Variants in SMARCC1 observed in about 807,000 individuals in gnomAD.
SMARCC1 encodes the protein SWI/SNF complex subunit SMARCC1.
In SMARCC1, 43 loss-of-function variants were observed where a neutral mutation model predicts 147.4. The observed-to-expected ratio is 0.29, with a 90% CI of 0.23 to 0.38. The LOEUF is 0.38. SMARCC1 is among the 10% of genes least tolerant of loss of function. The pLI, the probability that SMARCC1 is intolerant of heterozygous loss-of-function variation, is 1.00. For synonymous variants in SMARCC1, 495 were observed against 484.4 expected (o/e 1.02, Z -0.29); for missense variants, 1,119 against 1,381.1 (o/e 0.81, Z 3.01).
At chr3:47,647,459 A>G (rs2033132464) in intron 21 of SMARCC1, among the ~76,000 whole-genome samples, 1 of 152,234 alleles carries the variant, frequency 6.6e-6, no homozygotes, top group Non-Finnish European at 1.5e-5. Context: ...TAGGTGTATT[A>G]AATGCATTTT....
chr3:47,645,469 TAA>T (rs2033107009), intron 21 of SMARCC1, among the ~76,000 whole-genome samples: 1 of 152,210 alleles, frequency 6.6e-6, no homozygotes, highest in Admixed American at 6.5e-5. Context: ...GGCTTGGGCC[TAA>T]GAGTTTGAGG....
At chr3:47,692,919 G>GA (rs1449264649) in intron 12 of SMARCC1, among the ~76,000 whole-genome samples, 1 of 152,120 alleles carries the variant, frequency 6.6e-6, no homozygotes, top group African/African-American at 2.4e-5. Flanking sequence ...TCAGGAGGCT[G>GA]AGACAGGAGA....
At chr3:47,741,841 C>A (rs1018798951) in intron 3 of SMARCC1, among the ~76,000 whole-genome samples, 1 of 151,830 alleles carries the variant, frequency 6.6e-6, no homozygotes, top group Non-Finnish European at 1.5e-5. Flanking sequence ...CTCAGCCTCC[C>A]AAAGTGCTCA....
intron 26 of SMARCC1, among the ~76,000 whole-genome samples, chr3:47,607,550 C>T (rs1369393535): frequency 1.3e-5 from 2 of 152,162 alleles, no homozygotes; most frequent in African/African-American, 4.8e-5. Flanking sequence ...ACACAGCACA[C>T]ACCCATATAT....
chr3:47,770,950 C>T (rs2034906378), intron 2 of SMARCC1, among the ~76,000 whole-genome samples: 1 of 152,138 alleles, frequency 6.6e-6, no homozygotes, highest in Non-Finnish European at 1.5e-5. Context: ...CTCACTCTGT[C>T]GCCCAGGCCG....
chr3:47,638,906 C>A, intron 21 of SMARCC1, 126 bp from the exon 22 acceptor site: 2 of 705,170 alleles, frequency 2.8e-6, no homozygotes, highest in Admixed American at 2.5e-5. Context: ...CATAGCCATA[C>A]AGTTGAAAAA....
chr3:47,753,177 T>TA (rs1559663253), intron 2 of SMARCC1, among the ~76,000 whole-genome samples: 1 of 151,554 alleles, frequency 6.6e-6, no homozygotes, highest in Non-Finnish European at 1.5e-5. Flanking sequence ...AACCCCATCT[T>TA]AGTCGGACGT....
chr3:47,594,638 T>C (rs1380216458), intron 26 of SMARCC1, among the ~76,000 whole-genome samples: 1 of 151,998 alleles, frequency 6.6e-6, no homozygotes, highest in Non-Finnish European at 1.5e-5. Context: ...CCAAAAAAAA[T>C]GAAGACTTTC....
intron 3 of SMARCC1, among the ~76,000 whole-genome samples, chr3:47,741,358 C>A: frequency 2.6e-5 from 1 of 38,608 alleles, no homozygotes; most frequent in Non-Finnish European, 8.5e-5. Context: ...GAACACTCAA[C>A]GATTTAATAT....
rs761757436 is a variant in SMARCC1, at chr3:47,706,401, G to C, written c.1040+8C>G. On this transcript the variant is annotated splice_region_variant and intron_variant, in intron 10 of 27. Transcript: ENST00000254480. The stretch of plus-strand genomic sequence containing the variant: ...TTAATGCCCTTTGAATCATGTAATA[G>C]TTCTTACCCTTTCTTCCCACTCTTC... 89 of 1,555,886 alleles carry C rather than the reference G, an allele frequency of 5.7e-5. No homozygotes were observed. The highest frequency in any genetic ancestry group is 2.6e-6 in the Non-Finnish European group (3 of 1,156,408).
intron 9 of SMARCC1, among the ~76,000 whole-genome samples, chr3:47,709,547 G>A (rs1419729846): frequency 7.2e-5 from 11 of 152,038 alleles, no homozygotes; most frequent in African/African-American, 2.7e-4. Context: ...TTAGCCAGAT[G>A]TGGTGGCACG....
At chr3:47,609,983 C>T in intron 26 of SMARCC1, 83 bp downstream of exon 26, 1 of 1,456,252 alleles carries the variant, frequency 6.9e-7, no homozygotes, top group South Asian at 1.2e-5. Flanking sequence ...TCAGAAAACA[C>T]CAACTGTGTG....
In SMARCC1 at chr3:47,745,009, T is replaced by G. The variant is rs1045687576; in HGVS notation, c.401+899A>C. 6.6e-5 allele frequency among the ~76,000 whole-genome samples: 10 copies of G among 152,216 alleles called. No homozygotes were observed. In the East Asian group the frequency reaches 1.7e-3, roughly 26 times the overall value. ...CTGGCCAGGCACGGTGGCTCACACC[T>G]GTAATCCTAGCACCTTGGAAGGTCA... On this transcript the variant is annotated intron_variant, in intron 3 of 27. Transcript: ENST00000254480.
chr3:47,631,398 ACCT>A (rs1326189506), intron 24 of SMARCC1, among the ~76,000 whole-genome samples: 1 of 152,202 alleles, frequency 6.6e-6, no homozygotes, highest in African/African-American at 2.4e-5. Context: ...GAAGAACTGA[ACCT>A]ACTACTGCTG....
At chr3:47,758,231 C>T (rs1483707431) in intron 2 of SMARCC1, among the ~76,000 whole-genome samples, 1 of 152,072 alleles carries the variant, frequency 6.6e-6, no homozygotes, top group Non-Finnish European at 1.5e-5. Context: ...GTGATCCTCA[C>T]ACCTCAACCT....
intron 19 of SMARCC1, 56 bp downstream of exon 19, chr3:47,670,602 A>G: frequency 8.9e-7 from 1 of 1,123,340 alleles, no homozygotes; most frequent in Non-Finnish European, 1.4e-6. Flanking sequence ...ACAAAACAAA[A>G]TAAAATGCTA....
intron 21 of SMARCC1, among the ~76,000 whole-genome samples, chr3:47,654,635 G>A (rs1206761052): frequency 1.3e-5 from 2 of 152,192 alleles, no homozygotes; most frequent in Non-Finnish European, 1.5e-5. Flanking sequence ...GCATGGCCCC[G>A]ATTCCTAGCA....
chr3:47,648,170 T>G (rs552661264), intron 21 of SMARCC1, among the ~76,000 whole-genome samples: 1 of 152,024 alleles, frequency 6.6e-6, no homozygotes, highest in African/African-American at 2.4e-5. Flanking sequence ...AATTTTTGTA[T>G]TTTTAGTAGA....
chr3:47,778,440 G>C (rs1222020758), intron 1 of SMARCC1, among the ~76,000 whole-genome samples: 4 of 151,868 alleles, frequency 2.6e-5, no homozygotes, highest in African/African-American at 9.7e-5. Flanking sequence ...CCTCAGCCAA[G>C]TAGCTGGGAC....
Sources: allele counts gnomAD v4.1 joint callset (sites outside exome capture counted in the v4.1 genomes callset), GRCh38; gene constraint gnomAD v4.1.1; transcripts MANE v1.5; gene names NCBI Gene and HGNC (gene_info 2026-07-23, HGNC 2026-07-21).